The following LIPA variants were observed in gnomAD, a reference collection of about 807,000 sequenced individuals.
The protein encoded by LIPA is lysosomal acid lipase/cholesteryl ester hydrolase.
In LIPA, 26 loss-of-function variants were observed where a neutral mutation model predicts 40.6. That is an observed-to-expected ratio of 0.64 (90% CI 0.47 to 0.89). The LOEUF (loss-of-function observed/expected upper bound fraction) is 0.89. Ranked by LOEUF, LIPA falls within the 40% of genes least tolerant of loss-of-function variation. The pLI is 0.00. For missense variants in LIPA, 455 were observed against 479.6 expected, an observed-to-expected ratio of 0.95 and a Z score of 0.48; for synonymous variants, 188 against 168.4, an observed-to-expected ratio of 1.12 and a Z score of -0.90.
intron 1 of LIPA, among the ~76,000 whole-genome samples, chr10:89,260,400 G>A (rs945494548): frequency 2.6e-5 from 4 of 152,206 alleles, no homozygotes; most frequent in Admixed American, 6.5e-5. Context: ...TGGAGGAAGC[G>A]AGAAGCTGGG....
chr10:89,268,204 C>G (rs1043907790), intron 1 of LIPA, among the ~76,000 whole-genome samples: 1 of 152,174 alleles, frequency 6.6e-6, no homozygotes. Flanking sequence ...AGGCTGCCCA[C>G]ATTCAAGGCA....
At chr10:89,304,163 T>C (rs921973529) in intron 1 of LIPA, among the ~76,000 whole-genome samples, 3 of 151,932 alleles carry the variant, frequency 2.0e-5, no homozygotes, top group African/African-American at 7.3e-5. Flanking sequence ...GGATGGAAAA[T>C]AGGCAGGAGT....
intron 1 of LIPA, chr10:89,306,873 T>C: frequency 6.2e-7 from 1 of 1,614,040 alleles, no homozygotes; most frequent in Non-Finnish European, 8.5e-7. Context: ...GAGAATGGAA[T>C]GTATGGGAAA....
chr10:89,395,720 G>C (rs934462345), intron 2 of LIPA, among the ~76,000 whole-genome samples: 1 of 152,022 alleles, frequency 6.6e-6, no homozygotes, highest in African/African-American at 2.4e-5. Flanking sequence ...CCCAAGAAAG[G>C]CACATTGTAA....
intron 2 of LIPA, among the ~76,000 whole-genome samples, chr10:89,409,697 CT>C (rs1253772982): frequency 6.6e-6 from 1 of 152,240 alleles, no homozygotes; most frequent in African/African-American, 2.4e-5. Flanking sequence ...TCCTGGACAG[CT>C]GTCCTCAAGT....
In LIPA at chr10:89,225,063, G is replaced by A. The variant is rs369726199; in HGVS notation, c.675+29C>T. 2.5e-6 allele frequency: 4 copies of A among 1,612,232 alleles called. No homozygotes were observed. The South Asian group carries it at 3.3e-5, about 13-fold the overall frequency. On this transcript the variant is annotated intron_variant, in intron 6 of 9. Transcript: ENST00000336233. ...GATCTCAGGAGGAAATCTGCGGGGAGAGGAGAGGGATGGGAGGGGTCCAAG... is the reference window on the plus strand; with the variant it reads ...GATCTCAGGAGGAAATCTGCGGGGAAAGGAGAGGGATGGGAGGGGTCCAAG...
intron 1 of LIPA, among the ~76,000 whole-genome samples, chr10:89,287,995 A>C (rs1418851287): frequency 6.6e-6 from 1 of 152,044 alleles, no homozygotes; most frequent in Non-Finnish European, 1.5e-5. Flanking sequence ...CCTTCATCCC[A>C]GCCTCTTTTC....
rs578154457 is a variant in LIPA at position 89,334,478 on chromosome 10, CTTTTTTTTTTTTTTTTTTTT to C, written c.-2+8113_-2+8132del. On this transcript the variant is annotated intron_variant, in intron 1 of 5. Transcript: ENST00000282673. ...TGTTTTTTCTTCTTTTTCTTTTATT[CTTTTTTTTTTTTTTTTTTTT>C]TTTTTTTTTTTTTTTGAGACGGAGT... Among the ~76,000 whole-genome samples, 8 of 25,334 alleles carry C rather than the reference CTTTTTTTTTTTTTTTTTTTT, an allele frequency of 3.2e-4. 1 individual carries two copies. The East Asian group carries it at 3.4e-3, about 11-fold the overall frequency. The allele number at this position is 25,334 out of a possible 152,430, so 16.6% of individuals were successfully genotyped here.
intron 1 of LIPA, among the ~76,000 whole-genome samples, chr10:89,279,814 A>G (rs913280066): frequency 7.2e-5 from 11 of 152,178 alleles, no homozygotes; most frequent in African/African-American, 2.2e-4. Context: ...ATAGCAACTC[A>G]ACACCATTTT....
chr10:89,310,973 C>T (rs1843512409), intron 1 of LIPA, among the ~76,000 whole-genome samples: 2 of 152,106 alleles, frequency 1.3e-5, no homozygotes, highest in African/African-American at 4.8e-5. Flanking sequence ...CCTAGAAATT[C>T]CTGAAACCCT....
chr10:89,248,020 A>C (rs554395008), intron 1 of LIPA, among the ~76,000 whole-genome samples: 3 of 151,686 alleles, frequency 2.0e-5, no homozygotes, highest in Non-Finnish European at 4.4e-5. Flanking sequence ...GGCACGCACC[A>C]CCACGCCTGG....
At chr10:89,245,381 A>C (rs973651539) in intron 3 of LIPA, among the ~76,000 whole-genome samples, 1 of 152,224 alleles carries the variant, frequency 6.6e-6, no homozygotes, top group Non-Finnish European at 1.5e-5. Flanking sequence ...AAATAGCAAA[A>C]GCCATCTATT....
chr10:89,308,814 G>C (rs1843499684), intron 1 of LIPA: 1 of 152,098 alleles, frequency 6.6e-6, no homozygotes, highest in South Asian at 2.1e-4. Context: ...GTTATTTTCT[G>C]TATTAAACAT....
intron 2 of LIPA, chr10:89,378,140 G>A (rs758653145): frequency 3.5e-5 from 56 of 1,613,782 alleles, no homozygotes; most frequent in Non-Finnish European, 4.5e-5. Context: ...AGCACCATGA[G>A]GTAAAGTCTT....
intron 1 of LIPA, among the ~76,000 whole-genome samples, chr10:89,266,152 A>T (rs189233429): frequency 2.0e-5 from 3 of 152,384 alleles, no homozygotes; most frequent in Non-Finnish European, 2.9e-5. Flanking sequence ...GTGGAGACTG[A>T]AAGCCTGCTG....
chr10:89,359,806 C>T, intron 2 of LIPA, among the ~76,000 whole-genome samples: 1 of 145,730 alleles, frequency 6.9e-6, no homozygotes, highest in South Asian at 2.3e-4. Context: ...CTATCTCTCT[C>T]TCTCTCTCTC....
chr10:89,224,223 G>C (rs1276268724), intron 6 of LIPA, among the ~76,000 whole-genome samples: 1 of 152,208 alleles, frequency 6.6e-6, no homozygotes, highest in Non-Finnish European at 1.5e-5. Flanking sequence ...TCTGCCAGAG[G>C]TGTGCCCATC....
upstream of LIPA, among the ~76,000 whole-genome samples, chr10:89,345,286 T>C (rs1339302682): frequency 3.9e-5 from 6 of 151,938 alleles, no homozygotes; most frequent in Non-Finnish European, 5.9e-5. Context: ...CCCAGCACTT[T>C]GGGAGGCTGA....
At chr10:89,361,513 A>T (rs1844021443) in intron 2 of LIPA, among the ~76,000 whole-genome samples, 2 of 152,178 alleles carry the variant, frequency 1.3e-5, no homozygotes, top group Admixed American at 1.3e-4. Flanking sequence ...TGACAGCATT[A>T]TTGCTTTTTT....
Sources: gnomAD v4.1 joint callset for allele counts (sites outside exome capture counted in the v4.1 genomes callset) on GRCh38, gnomAD v4.1.1 for gene constraint, MANE v1.5 for transcripts, NCBI Gene and HGNC (gene_info 2026-07-23, HGNC 2026-07-21) for gene names.